RIC1: variants seen among roughly 807,000 people sequenced by gnomAD.
RIC1 encodes guanine nucleotide exchange factor subunit RIC1.
RIC1 carries 88 observed loss-of-function variants against 169.0 expected under a neutral mutation model. The ratio of observed to expected loss-of-function variants is 0.52; its 90% confidence interval spans 0.44 to 0.62. The LOEUF is 0.62. Among genes scored for constraint, RIC1 ranks in the 20% least tolerant of loss-of-function variants. The probability of loss-of-function intolerance (pLI) is 0.00; values close to 1 mark genes in which losing one functional copy is unlikely to be tolerated. For synonymous variants in RIC1, 790 were observed against 601.5 expected, an observed-to-expected ratio of 1.31 and a Z score of -4.59; for missense variants, 1,877 against 1,725.5, an observed-to-expected ratio of 1.09 and a Z score of -1.56.
chr9:5,693,232 C>T (rs1361810279), intron 3 of RIC1, among the ~76,000 whole-genome samples: 1 of 152,138 alleles, frequency 6.6e-6, no homozygotes, highest in Non-Finnish European at 1.5e-5. Flanking sequence ...CGTTTCTCTT[C>T]TGTAAATCTT....
rs74310870 is a variant in RIC1, at chr9:5,738,545, C to CTTTT, written c.901+25_901+28dup. 58 of 815,638 alleles carry CTTTT rather than the reference C, an allele frequency of 7.1e-5. No individual in the cohort carries two copies. Among genetic ancestry groups the CTTTT allele is most frequent in the South Asian group, 2.1e-4 (10 of 46,708 alleles). 50.5% of individuals were successfully genotyped at this position (815,638 alleles called of 1,614,324 possible). On this transcript the variant is annotated splice_region_variant and intron_variant, in intron 8 of 25. Transcript: ENST00000414202. The stretch of plus-strand genomic sequence containing the variant: ...ACAGCAAAACAGTATCCTGGTGAGT[C>CTTTT]TTTTTTTTTTTTTTTTTTTTTAACA...
At chr9:5,652,984 G>A (rs1818890058) in intron 1 of RIC1, among the ~76,000 whole-genome samples, 1 of 152,092 alleles carries the variant, frequency 6.6e-6, no homozygotes, top group South Asian at 2.1e-4. Context: ...CTTTTATTCT[G>A]TTAATGTAAT....
intron 8 of RIC1, 106 bp downstream of exon 8, chr9:5,738,644 TCAA>T (rs1443683631): frequency 1.7e-6 from 1 of 604,932 alleles, no homozygotes; most frequent in Non-Finnish European, 2.7e-6. Flanking sequence ...ATGCTATAGG[TCAA>T]ATATTGGGGC....
Position 5,757,302 on chromosome 9 carries a change from T to C in RIC1, c.1854-11T>C. 1 of 1,613,670 alleles carries C rather than the reference T, an allele frequency of 6.2e-7. No homozygotes were observed. Among genetic ancestry groups the C allele is most frequent in the Non-Finnish European group, 8.5e-7 (1 of 1,179,674 alleles). ...GTTGTTGAGGTATGTGGGTTTCTTT[T>C]GTTTTTACAGTCCAAATACTACTGC... On this transcript the variant is annotated splice_polypyrimidine_tract_variant and intron_variant, in intron 16 of 25. Coordinates refer to ENST00000414202, the MANE Select transcript of RIC1 (RefSeq NM_020829.4).
chr9:5,645,721 C>G (rs960342046), intron 1 of RIC1, among the ~76,000 whole-genome samples: 4 of 152,246 alleles, frequency 2.6e-5, no homozygotes, highest in Middle Eastern at 3.4e-3. Flanking sequence ...TAGCATGTAC[C>G]AAAATTTCCT....
chr9:5,770,032 G>A (rs778082079), intron 22 of RIC1, 55 bp from the exon 23 acceptor site: 8 of 1,439,440 alleles, frequency 5.6e-6, no homozygotes, highest in Non-Finnish European at 7.5e-6. Flanking sequence ...GAAAATGTCA[G>A]TGTGTGCATC....
Position 5,738,542 on chromosome 9 carries a change from A to C in RIC1, c.901+4A>C. The C allele has an allele frequency of 3.5e-6, 3 of 851,684 alleles. No homozygotes were observed. The highest frequency in any genetic ancestry group is 5.3e-6 in the Non-Finnish European group (3 of 565,660). 52.8% of individuals were successfully genotyped at this position (851,684 alleles called of 1,614,324 possible). ...CTAACAGCAAAACAGTATCCTGGTG[A>C]GTCTTTTTTTTTTTTTTTTTTTTTA... On this transcript the variant is annotated splice_donor_region_variant and intron_variant, in intron 8 of 25. Coordinates refer to ENST00000414202, the MANE Select transcript of RIC1 (RefSeq NM_020829.4).
intron 17 of RIC1, among the ~76,000 whole-genome samples, chr9:5,762,175 C>G (rs1826379375): frequency 6.6e-6 from 1 of 152,222 alleles, no homozygotes; most frequent in African/African-American, 2.4e-5. Context: ...ACGTGTATGT[C>G]TTCCTCATCT....
chr9:5,653,868 T>A (rs1818941973), intron 1 of RIC1, among the ~76,000 whole-genome samples: 1 of 152,214 alleles, frequency 6.6e-6, no homozygotes, highest in African/African-American at 2.4e-5. Context: ...AGTGCTGGGA[T>A]TACAGGCATG....
At chr9:5,671,272 T>C (rs1482245541) in intron 2 of RIC1, among the ~76,000 whole-genome samples, 1 of 146,094 alleles carries the variant, frequency 6.8e-6, no homozygotes, top group African/African-American at 2.6e-5. Context: ...ATTATTATTA[T>C]TATTTTTTTT....
At chr9:5,666,375 T>G (rs540990469) in intron 2 of RIC1, among the ~76,000 whole-genome samples, 6 of 152,228 alleles carry the variant, frequency 3.9e-5, no homozygotes, top group African/African-American at 7.2e-5. Context: ...TTGGATGCCT[T>G]TATCTCGTTT....
In RIC1 at chr9:5,696,794, C is replaced by T. The variant is rs553225829; in HGVS notation, c.332+6756C>T. Among the ~76,000 whole-genome samples the T allele has an allele frequency of 4.6e-5, 7 of 152,286 alleles. No homozygotes were observed. The South Asian group carries it at 6.2e-4, about 14-fold the overall frequency. ...AGATTGGATGTTAGATACTGTATTA[C>T]ATTATCCATTGTCTGATTTTTGTCC... is the stretch of plus-strand genomic sequence containing the variant. On this transcript the variant is annotated intron_variant, in intron 3 of 25. Transcript: ENST00000414202.
chr9:5,638,493 CT>C, intron 1 of RIC1, among the ~76,000 whole-genome samples: 1 of 152,222 alleles, frequency 6.6e-6, no homozygotes, highest in Non-Finnish European at 1.5e-5. Context: ...TACTGGGAGA[CT>C]TTTTATTACA....
At chr9:5,688,651 A>T (rs1351147314) in intron 2 of RIC1, among the ~76,000 whole-genome samples, 2 of 152,172 alleles carry the variant, frequency 1.3e-5, no homozygotes, top group African/African-American at 4.8e-5. Flanking sequence ...ATACATTATA[A>T]AATAGTAAAG....
rs913904882 is a variant in RIC1 at position 5,773,966 on chromosome 9, A to G, written c.3992A>G (p.Tyr1331Cys). ...TTTTTTTCTCTACATAGTCCTGGATATAAGCCATTTTTAAACATCATTAAG... is the reference window on the plus strand; with the variant it reads ...TTTTTTTCTCTACATAGTCCTGGATGTAAGCCATTTTTAAACATCATTAAG... ...DRWASTDCPGYKPFLNIIKPQ... is the reference protein window; with the variant it reads ...DRWASTDCPGCKPFLNIIKPQ... Residue 1331 changes from tyrosine to cysteine, a missense_variant, in exon 26 of 26, where the codon TAT (tyrosine) becomes TGT (cysteine). Around this residue, in one of 3 missense-constraint regions of RIC1, gnomAD observed 681 missense variants for 582.0 expected, o/e 1.17. Coordinates refer to ENST00000414202, the MANE Select transcript of RIC1 (RefSeq NM_020829.4). 6.2e-7 allele frequency: 1 copy of G among 1,602,586 alleles called. No individual in the cohort carries two copies. Among genetic ancestry groups the G allele is most frequent in the African/African-American group, 1.3e-5 (1 of 74,342 alleles).
chr9:5,685,414 G>T (rs1821157187), intron 2 of RIC1, among the ~76,000 whole-genome samples: 1 of 151,150 alleles, frequency 6.6e-6, no homozygotes, highest in Non-Finnish European at 1.5e-5. Flanking sequence ...CATGGTACTG[G>T]TACCAAAACA....
chr9:5,691,351 C>G (rs976324869), intron 3 of RIC1, among the ~76,000 whole-genome samples: 1 of 151,962 alleles, frequency 6.6e-6, no homozygotes, highest in Non-Finnish European at 1.5e-5. Flanking sequence ...GATTCTTCTG[C>G]TTTTCAACTC....
Position 5,765,439 on chromosome 9 carries a change from G to A in RIC1, c.2867G>A (p.Arg956Lys), listed in dbSNP as rs1826662558. ...LQNMEVPAVS[R>K]QHATLLFNTA... Reference sequence around the variant, plus strand: ...AATATGGAAGTCCCTGCAGTAAGTAGGCAACATGCTACCCTTCTATTCAAC... The same window carrying A: ...AATATGGAAGTCCCTGCAGTAAGTAAGCAACATGCTACCCTTCTATTCAAC... Residue 956 changes from arginine (R) to lysine (K), a missense_variant, in exon 20 of 26, where the codon AGG becomes AAG. Arg to Lys is a conservative substitution (Grantham distance 26). Coordinates refer to ENST00000414202, the MANE Select transcript of RIC1 (RefSeq NM_020829.4). 4 of 1,613,928 alleles carry A rather than the reference G, an allele frequency of 2.5e-6. No homozygotes were observed. Among genetic ancestry groups the A allele is most frequent in the Non-Finnish European group, 3.4e-6 (4 of 1,179,926 alleles).
At chr9:5,650,937 G>A (rs569093289) in intron 1 of RIC1, among the ~76,000 whole-genome samples, 1 of 152,282 alleles carries the variant, frequency 6.6e-6, no homozygotes, top group Admixed American at 6.5e-5. Context: ...TTACTAATGT[G>A]GAAATGCAGG....
Sources: gnomAD v4.1 joint callset for allele counts (sites outside exome capture counted in the v4.1 genomes callset) on GRCh38, gnomAD v4.1.1 for gene constraint, gnomAD v4.1.1 regional missense constraint, MANE v1.5 for transcripts, NCBI Gene and HGNC (gene_info 2026-07-23, HGNC 2026-07-21) for gene names.